SCAI: variants seen among roughly 807,000 people sequenced by gnomAD.
SCAI encodes the protein suppressor of cancer cell invasion.
Under a neutral mutation model 92.2 loss-of-function variants are expected in SCAI, and 24 were observed. The ratio of observed to expected loss-of-function variants is 0.26; its 90% CI spans 0.19 to 0.37. The LOEUF is 0.37. SCAI is among the 10% of genes least tolerant of loss of function. The pLI is 1.00. For synonymous variants in SCAI, 261 were observed against 258.6 expected (o/e 1.01, Z -0.09); for missense variants, 450 against 736.2 (o/e 0.61, Z 4.50).
intron 2 of SCAI, among the ~76,000 whole-genome samples, chr9:125,135,977 A>C (rs75298341): frequency 6.6e-5 from 10 of 151,806 alleles, no homozygotes; most frequent in South Asian, 2.1e-4. Flanking sequence ...CAAACAAAAA[A>C]AAAAAAAACA....
At chr9:125,032,909 GCC>G (rs1833110596) in intron 3 of SCAI, among the ~76,000 whole-genome samples, 1 of 152,064 alleles carries the variant, frequency 6.6e-6, no homozygotes, top group Non-Finnish European at 1.5e-5. Context: ...GAGCCACTGC[GCC>G]CAGCCTACTA....
At chr9:124,982,678 T>G (rs1831910381) in intron 14 of SCAI, among the ~76,000 whole-genome samples, 1 of 65,602 alleles carries the variant, frequency 1.5e-5, no homozygotes, top group Non-Finnish European at 2.6e-5. Context: ...CGACTCTGTC[T>G]CAAAAAAAAA....
intron 17 of SCAI, among the ~76,000 whole-genome samples, chr9:124,969,786 T>C (rs1478518729): frequency 6.6e-6 from 1 of 152,214 alleles, no homozygotes; most frequent in Non-Finnish European, 1.5e-5. Context: ...ATTCTACTAT[T>C]AGGTATATTC....
At chr9:124,999,857 T>A (rs754415967) in intron 13 of SCAI, 34 bp downstream of exon 13, 1 of 1,094,226 alleles carries the variant, frequency 9.1e-7, no homozygotes, top group Admixed American at 2.4e-5. Context: ...AGAGGTATAA[T>A]TTTTATAATA....
chr9:125,053,735 C>T (rs1278586680), intron 3 of SCAI, among the ~76,000 whole-genome samples: 3 of 152,000 alleles, frequency 2.0e-5, no homozygotes, highest in Non-Finnish European at 2.9e-5. Context: ...AAAATTAAAC[C>T]GTACTAACAG....
chr9:125,023,682 GA>G (rs1832912829), intron 6 of SCAI, among the ~76,000 whole-genome samples: 1 of 150,306 alleles, frequency 6.7e-6, no homozygotes, highest in South Asian at 2.1e-4. Flanking sequence ...AAAAAAAAAA[GA>G]AAAATTCTAA....
At chr9:125,055,835 C>T (rs749851775) in intron 3 of SCAI, 41 bp downstream of exon 3, 2 of 1,533,618 alleles carry the variant, frequency 1.3e-6, no homozygotes, top group Non-Finnish European at 1.8e-6. Context: ...AAAACAAATG[C>T]AGAACTAAAG....
intron 2 of SCAI, among the ~76,000 whole-genome samples, chr9:125,067,271 C>T (rs563623157): frequency 2.6e-5 from 4 of 152,170 alleles, no homozygotes; most frequent in Admixed American, 1.3e-4. Context: ...GTGAACGGGA[C>T]GGGACCTTCT....
In SCAI at chr9:124,942,985, A is replaced by G. The variant is rs1831082809; in HGVS notation, c.*9822T>C. The G allele has an allele frequency of 6.6e-6, 1 of 152,218 alleles. No homozygotes were observed. Among genetic ancestry groups the G allele is most frequent in the Non-Finnish European group, 1.5e-5 (1 of 68,048 alleles). 9.4% of individuals were successfully genotyped at this position (152,218 alleles called of 1,614,324 possible). A position where few individuals can be genotyped will look rare whatever the true frequency, so the allele number is the denominator to read the frequency against. ...TATCTTTTATGACAAATCACATCTC[A>G]TACAAGAGTCAAAAGTGATGAACTC... On this transcript the variant is annotated 3_prime_UTR_variant, in exon 18 of 18. Coordinates refer to ENST00000336505, the MANE Select transcript of SCAI (RefSeq NM_001144877.3).
intron 17 of SCAI, among the ~76,000 whole-genome samples, chr9:124,959,505 C>CAT (rs558260282): frequency 0.012 from 1,723 of 145,910 alleles, 34 homozygotes; most frequent in African/African-American, 0.04. Flanking sequence ...TATATATACA[C>CAT]ATATATATAT....
At chr9:125,015,217 A>G (rs1298814201) in intron 9 of SCAI, among the ~76,000 whole-genome samples, 1 of 152,214 alleles carries the variant, frequency 6.6e-6, no homozygotes, top group African/African-American at 2.4e-5. Flanking sequence ...CTGCACAGCA[A>G]AAGAAACTAC....
chr9:124,984,191 T>A (rs141968835), intron 14 of SCAI, among the ~76,000 whole-genome samples: 5 of 152,296 alleles, frequency 3.3e-5, no homozygotes, highest in Non-Finnish European at 7.3e-5. Flanking sequence ...GGCAGATGAC[T>A]GCCTGATATG....
At chr9:124,979,208 A>G (rs1365512414) in intron 14 of SCAI, among the ~76,000 whole-genome samples, 1 of 152,020 alleles carries the variant, frequency 6.6e-6, no homozygotes, top group Non-Finnish European at 1.5e-5. Flanking sequence ...ATGTGGTACA[A>G]GATGTTACTA....
chr9:125,133,797 G>C (rs1835457682), intron 2 of SCAI, among the ~76,000 whole-genome samples: 1 of 152,142 alleles, frequency 6.6e-6, no homozygotes, highest in African/African-American at 2.4e-5. Context: ...ATTTGGAAGG[G>C]CTAGGATTCA....
rs548169804 is a variant in SCAI, at chr9:125,068,878, G to T, written c.99-12871C>A. ...GTGATCAGACTGAAAAGGTAAACAG[G>T]CAGAGAAAAGAAAGGAAGTACATAG... On this transcript the variant is annotated intron_variant, in intron 2 of 17. Transcript: ENST00000336505. Among the ~76,000 whole-genome samples, 14 of 152,086 alleles carry T rather than the reference G, an allele frequency of 9.2e-5. 1 individual carries two copies. In the South Asian group the frequency reaches 2.7e-3, roughly 29 times the overall value.
chr9:125,003,662 A>G lies in SCAI; in HGVS notation c.862-92T>C, dbSNP rs932359464. On this transcript the variant is annotated intron_variant, in intron 9 of 17. Coordinates refer to ENST00000336505, the MANE Select transcript of SCAI (RefSeq NM_001144877.3). ...TCACGTTACTAGTTGTGACTTTCAC[A>G]TGTACTTCAGGGCTTTGGGTACCTT... 21 of 781,872 alleles carry G rather than the reference A, an allele frequency of 2.7e-5. 1 individual carries two copies. The highest frequency in any genetic ancestry group is 4.6e-4 in the Middle Eastern group (2 of 4,338). 48.4% of individuals were successfully genotyped at this position (781,872 alleles called of 1,614,324 possible). A position where few individuals can be genotyped will look rare whatever the true frequency, so the allele number is the denominator to read the frequency against.
At chr9:125,125,831 CAAA>C (rs34484716) in intron 2 of SCAI, among the ~76,000 whole-genome samples, 8 of 81,976 alleles carry the variant, frequency 9.8e-5, no homozygotes, top group Admixed American at 1.3e-4. Context: ...GACTTTGTCT[CAAA>C]AAAAAAAAAA....
chr9:125,093,526 T>A (rs1834484087), intron 2 of SCAI, among the ~76,000 whole-genome samples: 1 of 151,908 alleles, frequency 6.6e-6, no homozygotes, highest in Non-Finnish European at 1.5e-5. Context: ...CAGTGTGAAT[T>A]TTCATGGCTT....
chr9:125,136,394 T>C (rs1193019386), intron 2 of SCAI, among the ~76,000 whole-genome samples: 2 of 151,972 alleles, frequency 1.3e-5, no homozygotes, highest in African/African-American at 2.4e-5. Context: ...TTACCAGGAA[T>C]TTATATCATT....
Sources: allele counts gnomAD v4.1 joint callset (sites outside exome capture counted in the v4.1 genomes callset), GRCh38; gene constraint gnomAD v4.1.1; transcripts MANE v1.5; gene names NCBI Gene and HGNC (gene_info 2026-07-23, HGNC 2026-07-21).